The following MAP7D2 variants were observed in gnomAD, a reference collection of about 807,000 sequenced individuals.
MAP7D2 encodes MAP7 domain-containing protein 2.
A neutral mutation model predicts 63.5 loss-of-function variants in MAP7D2; 33 were observed. The observed-to-expected ratio is 0.52, with a 90% CI of 0.39 to 0.70. The LOEUF is 0.70. MAP7D2 is among the 30% of genes least tolerant of loss of function. MAP7D2 has a pLI of 0.00. For missense variants in MAP7D2, 626 were observed against 604.0 expected, an observed-to-expected ratio of 1.04 and a Z score of -0.38; for synonymous variants, 224 against 223.7, an observed-to-expected ratio of 1.00 and a Z score of -0.01.
rs753439761 is a variant in MAP7D2, at chrX:20,068,008, G to A, written c.131-3203C>T. 2.7e-5 allele frequency among the ~76,000 whole-genome samples: 3 copies of A among 112,095 alleles called. No homozygotes were observed. The South Asian group carries it at 1.1e-3, about 41-fold the overall frequency. ...TTTAGGGCTGATGCTGGGTGGGGAAGGGGTTACAGAGGACCCTGGGGGAAG... is the reference window on the plus strand; with the variant it reads ...TTTAGGGCTGATGCTGGGTGGGGAAAGGGTTACAGAGGACCCTGGGGGAAG... On this transcript the variant is annotated intron_variant, in intron 1 of 16. Transcript: ENST00000379643.
chrX:20,074,425 A>G (rs1461909371), intron 1 of MAP7D2, among the ~76,000 whole-genome samples: 1 of 112,256 alleles, frequency 8.9e-6, no homozygotes, highest in African/African-American at 3.2e-5. Context: ...GTGGAAACTG[A>G]AAATCAACTG....
chrX:20,047,177 T>C (rs1297172347), intron 6 of MAP7D2, among the ~76,000 whole-genome samples: 1 of 112,373 alleles, frequency 8.9e-6, no homozygotes, highest in African/African-American at 3.2e-5. Context: ...GCAGCCGCCA[T>C]AAAACCTGGG....
intron 5 of MAP7D2, chrX:20,052,374 T>C (rs1236717954): frequency 1.1e-5 from 3 of 276,497 alleles, no homozygotes; most frequent in East Asian, 2.2e-4. Context: ...TTTCCTCTTT[T>C]AGAGGCCTCA....
chrX:20,089,030 G>A (rs1195898572), intron 1 of MAP7D2, among the ~76,000 whole-genome samples: 8 of 111,416 alleles, frequency 7.2e-5, no homozygotes, highest in Non-Finnish European at 1.5e-4. Flanking sequence ...TGATTTGCCC[G>A]CCTTGGTCTC....
At position 20,025,017 on chromosome X, in the gene MAP7D2, C is replaced by G; in HGVS notation, c.1346G>C (p.Arg449Thr). Residue 449 changes from arginine to threonine, a missense_variant, in exon 10 of 17, where the codon AGA (arginine) becomes ACA (threonine). By Grantham distance (71) the Arg-to-Thr change is moderately conservative. Coordinates refer to ENST00000379643, the MANE Select transcript of MAP7D2 (RefSeq NM_001168465.2). The part of the protein sequence containing the change: ...GEAAKILAEK[R>T]RQARLQKEQE... ...TTCCTTCTGCAGCCGGGCCTGTCTT[C>G]TCTTTTCAGCCAAGATCTTCGCAGC... 8.3e-7 allele frequency: 1 copy of G among 1,211,735 alleles called. No homozygotes were observed. The highest frequency in any genetic ancestry group is 1.8e-5 in the South Asian group (1 of 56,975).
intron 1 of MAP7D2, among the ~76,000 whole-genome samples, chrX:20,069,017 G>C (rs1365250319): frequency 8.9e-6 from 1 of 111,876 alleles, no homozygotes; most frequent in African/African-American, 3.3e-5. Context: ...GGAACTCTAA[G>C]TCCAATTAAA....
At chrX:20,101,473 TTTTGA>T (rs1397903741) in intron 1 of MAP7D2, among the ~76,000 whole-genome samples, 3 of 112,444 alleles carry the variant, frequency 2.7e-5, no homozygotes, top group African/African-American at 9.7e-5. Flanking sequence ...GGAACTTGTG[TTTTGA>T]TTCAGGAGGT....
intron 3 of MAP7D2, 78 bp from the exon 4 acceptor site, chrX:20,056,869 A>G (rs2065082981): frequency 2.2e-6 from 2 of 907,807 alleles, no homozygotes; most frequent in East Asian, 6.4e-5. Context: ...CTCAGTGCAC[A>G]GTGTGAGTCA....
intron 1 of MAP7D2, 57 bp from the exon 2 acceptor site, chrX:20,064,862 A>G (rs934890507): frequency 1.9e-6 from 2 of 1,052,265 alleles, no homozygotes; most frequent in Non-Finnish European, 2.7e-6. Flanking sequence ...CTATCTGCTA[A>G]GTACTATAGG....
At chrX:20,035,931 T>A (rs2074216578) in intron 8 of MAP7D2, among the ~76,000 whole-genome samples, 1 of 58,416 alleles carries the variant, frequency 1.7e-5, no homozygotes, top group East Asian at 3.7e-4. Context: ...TATATATGTG[T>A]GTGTGTGTGT....
At chrX:20,025,408 G>A (rs1160569268) in intron 9 of MAP7D2, among the ~76,000 whole-genome samples, 2 of 112,073 alleles carry the variant, frequency 1.8e-5, no homozygotes, top group Admixed American at 9.4e-5. Context: ...CTTCTTTTGC[G>A]TGAGGTGCAG....
chrX:20,026,141 C>T (rs1036288449), intron 8 of MAP7D2, among the ~76,000 whole-genome samples, 189 bp from the exon 9 acceptor site: 2 of 111,021 alleles, frequency 1.8e-5, no homozygotes, highest in African/African-American at 6.6e-5. Flanking sequence ...CTCTCTAAGA[C>T]GGCCCTGGTG....
intron 1 of MAP7D2, among the ~76,000 whole-genome samples, chrX:20,096,063 C>T (rs1386254524): frequency 1.5e-5 from 1 of 65,073 alleles, no homozygotes; most frequent in East Asian, 5.4e-4. Flanking sequence ...GCCTGGGCAA[C>T]AGAGCAAGAC....
intron 1 of MAP7D2, among the ~76,000 whole-genome samples, chrX:20,094,843 C>T (rs2066213689): frequency 9.4e-6 from 1 of 106,699 alleles, no homozygotes; most frequent in Non-Finnish European, 1.9e-5. Context: ...TCGCAAAGTG[C>T]TAGGATTAAC....
At chrX:20,114,947 GT>G (rs1327355545) in intron 1 of MAP7D2, among the ~76,000 whole-genome samples, 16 of 111,896 alleles carry the variant, frequency 1.4e-4, no homozygotes, top group African/African-American at 5.2e-4. Flanking sequence ...CTTTACTTAA[GT>G]ACCTGGCCTT....
At chrX:20,018,839 T>C (rs1258609118) in intron 10 of MAP7D2, among the ~76,000 whole-genome samples, 2 of 111,243 alleles carry the variant, frequency 1.8e-5, no homozygotes, top group Non-Finnish European at 3.8e-5. Flanking sequence ...TGGCTTCCCC[T>C]GTGTGAAACC....
rs1203729702 is a variant in MAP7D2, at chrX:20,010,952, G to A, written c.2173C>T (p.Arg725Ter). 5 of 1,210,880 alleles carry A rather than the reference G, an allele frequency of 4.1e-6. No homozygotes were observed. The highest frequency in any genetic ancestry group is 5.6e-6 in the Non-Finnish European group (5 of 895,203). The change falls in exon 16 of 17, where the codon CGA becomes TGA. Residue 725 changes from arginine (R) to a stop codon, truncating the protein, a stop_gained. Coordinates refer to ENST00000379643, the MANE Select transcript of MAP7D2 (RefSeq NM_001168465.2). LOFTEE classifies it high-confidence loss of function. ...SLDQNGTGNARALQDLLDFTG... is the reference protein window; with the variant it reads ...SLDQNGTGNA ...AAATCTAAGAGATCTTGAAGTGCTC[G>A]GGCATTACCAGTTCCATTTTGGTCC...
chrX:20,019,401 G>A (rs1224098828), intron 10 of MAP7D2, among the ~76,000 whole-genome samples: 4 of 111,231 alleles, frequency 3.6e-5, no homozygotes, highest in African/African-American at 1.3e-4. Context: ...TCCTCACTAT[G>A]TACAAAGTAC....
intron 3 of MAP7D2, among the ~76,000 whole-genome samples, chrX:20,059,609 A>AGGAAGGAAGGAAGGAAGGAAGGAAGGGT (rs2065147864): frequency 9.8e-6 from 1 of 102,340 alleles, no homozygotes; most frequent in African/African-American, 3.6e-5. Context: ...GAAGGAAGGA[A>AGGAAGGAAGGAAGGAAGGAAGGAAGGGT]GGAAGGAAGG....
Sources: allele counts gnomAD v4.1 joint callset (sites outside exome capture counted in the v4.1 genomes callset), GRCh38; gene constraint gnomAD v4.1.1; transcripts MANE v1.5; gene names NCBI Gene and HGNC (gene_info 2026-07-23, HGNC 2026-07-21).